GRM3: variants seen among roughly 807,000 people sequenced by gnomAD.
The protein encoded by GRM3 is glutamate metabotropic receptor 3, also known as metabotropic glutamate receptor 3.
Under a neutral mutation model 70.5 loss-of-function variants are expected in GRM3, and 26 were observed. That is an observed-to-expected ratio of 0.37 (90% CI 0.27 to 0.51). The LOEUF is 0.51. GRM3 is among the 20% of genes least tolerant of loss of function. The pLI, the probability that GRM3 is intolerant of heterozygous loss-of-function variation, is 0.93. For missense variants in GRM3, 859 were observed against 1,123.8 expected (o/e 0.76, Z 3.37); for synonymous variants, 443 against 434.9 (o/e 1.02, Z -0.23).
intron 1 of GRM3, among the ~76,000 whole-genome samples, chr7:86,672,430 T>C (rs776873681): frequency 2.6e-5 from 4 of 152,184 alleles, no homozygotes; most frequent in Non-Finnish European, 5.9e-5. Context: ...CTTCTGTGCA[T>C]AATATATATC....
At chr7:86,745,814 T>C (rs1002943226) in intron 1 of GRM3, among the ~76,000 whole-genome samples, 7 of 152,090 alleles carry the variant, frequency 4.6e-5, no homozygotes, top group African/African-American at 1.7e-4. Context: ...GGAATTTCTT[T>C]TGTCTAAAGT....
At chr7:86,773,182 T>C (rs1429378830) in intron 2 of GRM3, among the ~76,000 whole-genome samples, 1 of 152,008 alleles carries the variant, frequency 6.6e-6, no homozygotes, top group African/African-American at 2.4e-5. Flanking sequence ...TCCCAGTGTC[T>C]ACTGTTGCCG....
intron 1 of GRM3, among the ~76,000 whole-genome samples, chr7:86,714,934 C>A (rs1795281487): frequency 6.6e-6 from 1 of 151,934 alleles, no homozygotes; most frequent in South Asian, 2.1e-4. Flanking sequence ...ATCTGATTAC[C>A]ATTTACCATG....
At chr7:86,846,024 C>T (rs1798649117) in intron 4 of GRM3, among the ~76,000 whole-genome samples, 1 of 151,904 alleles carries the variant, frequency 6.6e-6, no homozygotes, top group African/African-American at 2.4e-5. Context: ...ATGATAATAT[C>T]TCTTAGGGTC....
chr7:86,827,125 C>T (rs1338921220), intron 3 of GRM3, among the ~76,000 whole-genome samples: 3 of 152,174 alleles, frequency 2.0e-5, no homozygotes, highest in African/African-American at 7.2e-5. Context: ...AGTCCATTTC[C>T]TTAAGGTCAA....
intron 1 of GRM3, among the ~76,000 whole-genome samples, chr7:86,659,342 T>C (rs1348041733): frequency 6.6e-6 from 1 of 152,188 alleles, no homozygotes; most frequent in Non-Finnish European, 1.5e-5. Context: ...ACCGTTCCTT[T>C]TGCTTTATCT....
intron 3 of GRM3, among the ~76,000 whole-genome samples, chr7:86,837,963 T>C (rs980075913): frequency 2.0e-5 from 3 of 151,500 alleles, no homozygotes; most frequent in African/African-American, 7.3e-5. Context: ...ATCAGAGGGG[T>C]GGTGTATGTT....
At chr7:86,728,892 G>A (rs1191815466) in intron 1 of GRM3, among the ~76,000 whole-genome samples, 3 of 152,170 alleles carry the variant, frequency 2.0e-5, no homozygotes, top group Non-Finnish European at 4.4e-5. Context: ...ACAGGGTCCA[G>A]AGAAACTTAA....
At chr7:86,659,181 A>G (rs778705243) in intron 1 of GRM3, among the ~76,000 whole-genome samples, 9 of 152,210 alleles carry the variant, frequency 5.9e-5, no homozygotes, top group Non-Finnish European at 1.3e-4. Flanking sequence ...GTGCCAATAA[A>G]TAACACCCCA....
At chr7:86,703,946 A>C (rs1467619849) in intron 1 of GRM3, among the ~76,000 whole-genome samples, 1 of 151,932 alleles carries the variant, frequency 6.6e-6, no homozygotes, top group Admixed American at 6.6e-5. Flanking sequence ...CCCATTCCCC[A>C]AAAAAGCCCA....
intron 1 of GRM3, among the ~76,000 whole-genome samples, chr7:86,702,397 A>G (rs1794964305): frequency 6.6e-6 from 1 of 151,996 alleles, no homozygotes; most frequent in Non-Finnish European, 1.5e-5. Flanking sequence ...TTTCCTATGT[A>G]GCTGCATATC....
At chr7:86,692,192 G>A (rs1355746801) in intron 1 of GRM3, among the ~76,000 whole-genome samples, 2 of 152,144 alleles carry the variant, frequency 1.3e-5, no homozygotes, top group Non-Finnish European at 2.9e-5. Context: ...GCCATACTTT[G>A]GGCTTGTTTC....
At chr7:86,722,393 A>T (rs1795488456) in intron 1 of GRM3, among the ~76,000 whole-genome samples, 1 of 152,160 alleles carries the variant, frequency 6.6e-6, no homozygotes, top group Non-Finnish European at 1.5e-5. Context: ...AAAATGTGGT[A>T]CATATACACC....
chr7:86,840,826 A>T (rs1345634169), intron 4 of GRM3, among the ~76,000 whole-genome samples: 1 of 152,168 alleles, frequency 6.6e-6, no homozygotes. Flanking sequence ...AAGTGCCTCC[A>T]TCAGTTGTAA....
chr7:86,815,580 T>G (rs1797999510), intron 3 of GRM3, among the ~76,000 whole-genome samples: 1 of 151,964 alleles, frequency 6.6e-6, no homozygotes, highest in Admixed American at 6.6e-5. Flanking sequence ...CATATTACTA[T>G]TCTCCTTTTA....
At position 86,763,386 on chromosome 7, in the gene GRM3, A is replaced by G. The variant is rs146803920; in HGVS notation, c.-140-1620A>G. Among the ~76,000 whole-genome samples, 769 of 152,112 alleles carry G rather than the reference A, an allele frequency of 5.1e-3. 4 individuals are homozygous for G. Among genetic ancestry groups the G allele is most frequent in the Middle Eastern group, 0.014 (4 of 294 alleles). On this transcript the variant is annotated intron_variant, in intron 1 of 5. Coordinates refer to ENST00000361669, the MANE Select transcript of GRM3 (RefSeq NM_000840.3). ...TAATACGTTCATCTTATCTTGGGGG[A>G]TAGAAGTAAGCAGGCTGTGTGAATG...
rs749456155 is a variant in GRM3, at chr7:86,785,685, A to ATTT, written c.469-545_469-543dup. Among the ~76,000 whole-genome samples, 417 of 65,200 alleles carry ATTT rather than the reference A, an allele frequency of 6.4e-3. 31 individuals are homozygous for ATTT. The highest frequency in any genetic ancestry group is 6.9e-3 in the African/African-American group (124 of 17,974). 42.8% of individuals were successfully genotyped at this position (65,200 alleles called of 152,430 possible). On this transcript the variant is annotated intron_variant, in intron 2 of 5. Coordinates refer to ENST00000361669, the MANE Select transcript of GRM3 (RefSeq NM_000840.3). ...TTGGGTGGTGGACTAAATAGAATTG[A>ATTT]TTTTTTTTTTTTTTTTTTTTTTTTT...
intron 1 of GRM3, among the ~76,000 whole-genome samples, chr7:86,708,820 C>A (rs149587921): frequency 1.6e-4 from 24 of 152,154 alleles, no homozygotes; most frequent in African/African-American, 5.1e-4. Flanking sequence ...TCTGAGCATA[C>A]CTTTAAAGTT....
intron 5 of GRM3, among the ~76,000 whole-genome samples, chr7:86,859,429 A>G (rs369500235): frequency 6.6e-4 from 100 of 152,354 alleles, no homozygotes; most frequent in African/African-American, 2.2e-3. Flanking sequence ...GGACCCTAGC[A>G]TAAGTAAAAT....
Sources: allele counts gnomAD v4.1 joint callset (sites outside exome capture counted in the v4.1 genomes callset), GRCh38; gene constraint gnomAD v4.1.1; transcripts MANE v1.5; gene names NCBI Gene and HGNC (gene_info 2026-07-23, HGNC 2026-07-21).